CEP131: variants seen among roughly 807,000 people sequenced by gnomAD.
The protein encoded by CEP131 is centrosomal protein of 131 kDa.
A neutral mutation model predicts 136.8 loss-of-function variants in CEP131; 99 were observed. That is an observed-to-expected ratio of 0.72 (90% confidence interval 0.62 to 0.86). CEP131 has a LOEUF of 0.86. Ranked by LOEUF, CEP131 falls within the 40% of genes least tolerant of loss-of-function variation. CEP131 has a pLI of 0.00. For missense variants in CEP131, 1,459 were observed against 1,463.0 expected (o/e 1.00, Z 0.04); for synonymous variants, 646 against 612.7 (o/e 1.05, Z -0.80).
Position 81,199,539 on chromosome 17 carries a change from T to G in CEP131, c.1034A>C (p.Gln345Pro), listed in dbSNP as rs2061843096. 1 of 1,606,306 alleles carries G rather than the reference T, an allele frequency of 6.2e-7. No homozygotes were observed. ...ARRAAIQELQ[Q>P]KRALRAQKAS... ...CTTCTGGGCTCTCAGGGCTCGTTTC[T>G]GTTGCAGCTCCTGCAGTGGGAGCAT... Residue 345 changes from glutamine to proline, a missense_variant, in exon 10 of 26, where the codon CAG becomes CCG. Coordinates refer to ENST00000450824, the MANE Select transcript of CEP131 (RefSeq NM_014984.4).
intron 2 of CEP131, among the ~76,000 whole-genome samples, chr17:81,218,973 G>A (rs1316760365): frequency 3.9e-5 from 6 of 152,246 alleles, no homozygotes; most frequent in Non-Finnish European, 7.3e-5. Flanking sequence ...AAGGCCCCCA[G>A]GCCCTTGCTA....
chr17:81,204,600 T>G (rs1486605378), intron 5 of CEP131, among the ~76,000 whole-genome samples: 1 of 151,438 alleles, frequency 6.6e-6, no homozygotes, highest in East Asian at 1.9e-4. Flanking sequence ...AAGACCAACA[T>G]GTCAGAGGCC....
At chr17:81,212,773 G>A (rs1290771319) in intron 2 of CEP131, among the ~76,000 whole-genome samples, 4 of 152,198 alleles carry the variant, frequency 2.6e-5, no homozygotes, top group African/African-American at 9.6e-5. Context: ...GCAAGCGTCG[G>A]GGGGGCGAGA....
chr17:81,210,655 G>A (rs1221135736), intron 2 of CEP131, among the ~76,000 whole-genome samples: 1 of 152,114 alleles, frequency 6.6e-6, no homozygotes, highest in Non-Finnish European at 1.5e-5. Context: ...GAACACCACC[G>A]GATGCCACTG....
intron 2 of CEP131, among the ~76,000 whole-genome samples, chr17:81,214,324 G>A (rs1322952452): frequency 6.6e-6 from 1 of 152,218 alleles, no homozygotes; most frequent in Non-Finnish European, 1.5e-5. Flanking sequence ...GGAGGCCAAG[G>A]CGGGCGGATT....
At chr17:81,198,814 T>C in intron 11 of CEP131, 63 bp downstream of exon 11, 3 of 1,488,338 alleles carry the variant, frequency 2.0e-6, no homozygotes, top group Non-Finnish European at 2.7e-6. Flanking sequence ...AGGACACCCC[T>C]GGCACAGACA....
In CEP131 at chr17:81,209,003, C is replaced by T. The variant is rs753576032; in HGVS notation, c.197G>A (p.Gly66Asp). Residue 66 changes from glycine (G) to aspartate (D), a missense_variant, in exon 3 of 26, where the codon GGC becomes GAC. Physicochemically the swap from Gly to Asp is moderately conservative, Grantham distance 94. Around this residue, in one of 3 missense-constraint regions of CEP131, gnomAD observed 187 missense variants for 179.9 expected, o/e 1.04. Transcript: ENST00000450824. The stretch of plus-strand genomic sequence containing the variant: ...TCTAAGGTTGTTGATGGCCTGGGAG[C>T]CCCCAGGCCCTGTGGCCTCCTGCAA... Reference protein sequence around the residue: ...RKVLEATGPGGSQAINNLRRS... With the variant: ...RKVLEATGPGDSQAINNLRRS... The T allele has an allele frequency of 6.2e-7, 1 of 1,612,502 alleles. No individual in the cohort carries two copies. Among genetic ancestry groups the T allele is most frequent in the Non-Finnish European group, 8.5e-7 (1 of 1,178,814 alleles).
At chr17:81,206,604 A>C in intron 5 of CEP131, 140 bp downstream of exon 5, 2 of 1,261,458 alleles carry the variant, frequency 1.6e-6, no homozygotes, top group East Asian at 2.4e-5. Context: ...CTTGGGAATG[A>C]AAGCCATTCT....
chr17:81,220,019 C>T lies in CEP131; in HGVS notation c.38G>A (p.Arg13His), dbSNP rs758688897. 57 of 1,600,762 alleles carry T rather than the reference C, an allele frequency of 3.6e-5. No individual in the cohort carries two copies. Among genetic ancestry groups the T allele is most frequent in the Non-Finnish European group, 4.7e-5 (55 of 1,173,926 alleles). Residue 13 changes from arginine (R) to histidine (H), a missense_variant, in exon 2 of 26, where the codon CGC becomes CAC. This residue lies in a region of CEP131 where 187 missense variants were observed against 179.9 expected (regional missense o/e 1.04). Coordinates refer to ENST00000450824, the MANE Select transcript of CEP131 (RefSeq NM_014984.4). ...GTRAIGSVPERSPAGVDLSLT... is the reference protein window; with the variant it reads ...GTRAIGSVPEHSPAGVDLSLT... ...ACTCAGGTCCACACCTGCTGGGCTGCGCTCCGGGACGCTGCCGATGGCCCG... is the reference window on the plus strand; with the variant it reads ...ACTCAGGTCCACACCTGCTGGGCTGTGCTCCGGGACGCTGCCGATGGCCCG...
Position 81,193,946 on chromosome 17 carries a change from C to T in CEP131, c.2301G>A (p.Glu767=), listed in dbSNP as rs2061698094. 1.9e-6 allele frequency: 3 copies of T among 1,540,430 alleles called. No homozygotes were observed. Among genetic ancestry groups the T allele is most frequent in the Admixed American group, 2.0e-5 (1 of 50,078 alleles). ...CCCACCGCTGCCGAGCACGTTCGCG[C>T]TCCTGCTGGCCCAGCGCCTCCTTCT... ...EREKEALGQQ[E]RERARQRFQQ... is the part of the protein sequence containing the mutation. The change falls in exon 18 of 26, where the codon GAG becomes GAA. Residue 767 remains glutamate, a synonymous_variant. Coordinates refer to ENST00000450824, the MANE Select transcript of CEP131 (RefSeq NM_014984.4).
intron 2 of CEP131, among the ~76,000 whole-genome samples, chr17:81,212,321 C>CAAAAA (rs71166130): frequency 1.5e-5 from 2 of 135,082 alleles, no homozygotes; most frequent in Non-Finnish European, 3.1e-5. Flanking sequence ...GATTCCCTCT[C>CAAAAA]AAAAAAAAAA....
intron 5 of CEP131, among the ~76,000 whole-genome samples, chr17:81,204,805 C>T (rs2061968784): frequency 6.6e-6 from 1 of 151,972 alleles, no homozygotes; most frequent in African/African-American, 2.4e-5. Flanking sequence ...CCAGCACCAG[C>T]CTGGCCTGCA....
chr17:81,190,561 T>C (rs2061614659), intron 24 of CEP131, 78 bp downstream of exon 24: 7 of 1,432,078 alleles, frequency 4.9e-6, no homozygotes, highest in Non-Finnish European at 3.7e-6. Context: ...CACAGCCTCC[T>C]GGGGCTTGGA....
At chr17:81,196,887 G>A in intron 14 of CEP131, 43 bp downstream of exon 14, 1 of 1,606,274 alleles carries the variant, frequency 6.2e-7, no homozygotes, top group Non-Finnish European at 8.5e-7. Flanking sequence ...TCAGCAGGTA[G>A]GAGGCTAGCA....
At chr17:81,216,862 T>C (rs1330151706) in intron 2 of CEP131, among the ~76,000 whole-genome samples, 1 of 151,912 alleles carries the variant, frequency 6.6e-6, no homozygotes, top group East Asian at 1.9e-4. Flanking sequence ...TTTCCTGGGG[T>C]CAGTTTCGCA....
rs1002117879 is a variant in CEP131, at chr17:81,203,828, G to A, written c.516-221C>T. On this transcript the variant is annotated intron_variant, in intron 5 of 25. Transcript: ENST00000450824. This position sits in a 1 kb window ranked among gnomAD's most constrained non-coding sequence, Gnocchi z 4.6. ...GGAAAGCTGGACCAGGGGCTCCCACGGGGCAGGGGATAGAATCGAGGCATG... is the reference window on the plus strand; with the variant it reads ...GGAAAGCTGGACCAGGGGCTCCCACAGGGCAGGGGATAGAATCGAGGCATG... 6 of 554,404 alleles carry A rather than the reference G, an allele frequency of 1.1e-5. No individual in the cohort carries two copies. The highest frequency in any genetic ancestry group is 4.8e-4 in the Middle Eastern group (1 of 2,104). The allele number at this position is 554,404 out of a possible 1,614,324, so 34.3% of individuals were successfully genotyped here.
rs1404653601 is a variant in CEP131 at position 81,208,105 on chromosome 17, C to T, written c.272+823G>A. Among the ~76,000 whole-genome samples, 1 of 138,660 alleles carries T rather than the reference C, an allele frequency of 7.2e-6. No homozygotes were observed. Among genetic ancestry groups the T allele is most frequent in the Non-Finnish European group, 1.6e-5 (1 of 62,724 alleles). The allele number at this position is 138,660 out of a possible 152,430, so 91.0% of individuals were successfully genotyped here. The stretch of plus-strand genomic sequence containing the variant: ...CCACACCACACACACACACTTATGC[C>T]ACACACCCACACACCACACACATAC... On this transcript the variant is annotated intron_variant, in intron 3 of 25. Coordinates refer to ENST00000450824, the MANE Select transcript of CEP131 (RefSeq NM_014984.4). This position sits in a 1 kb window ranked among gnomAD's most constrained non-coding sequence, Gnocchi z 5.6.
chr17:81,217,511 T>G (rs112113661), intron 2 of CEP131, among the ~76,000 whole-genome samples: 1,765 of 151,870 alleles, frequency 0.012, 39 homozygotes, highest in African/African-American at 0.04. Flanking sequence ...GACTGAGTGG[T>G]AGCAGGGCAG....
Position 81,198,267 on chromosome 17 carries a change from T to A in CEP131, c.1318A>T (p.Asn440Tyr). 1 of 1,603,654 alleles carries A rather than the reference T, an allele frequency of 6.2e-7. No individual in the cohort carries two copies. The highest frequency in any genetic ancestry group is 1.3e-5 in the African/African-American group (1 of 74,762). ...DVLAQDAAGDNLEMMAPSRGS... is the reference protein window; with the variant it reads ...DVLAQDAAGDYLEMMAPSRGS... ...CTGCTCGGGGCCATCATCTCCAGGT[T>A]GTCCCCAGCTGCATCCTGGGCAAGA... Residue 440 changes from asparagine to tyrosine, a missense_variant, in exon 12 of 26, where the codon AAC becomes TAC. Around this residue, in one of 3 missense-constraint regions of CEP131, gnomAD observed 1,026 missense variants for 964.2 expected, o/e 1.06. Transcript: ENST00000450824.
Sources: allele counts gnomAD v4.1 joint callset (sites outside exome capture counted in the v4.1 genomes callset), GRCh38; gene constraint gnomAD v4.1.1; regional missense constraint gnomAD v4.1.1; non-coding constraint Gnocchi (gnomAD v3.1); transcripts MANE v1.5; gene names NCBI Gene and HGNC (gene_info 2026-07-23, HGNC 2026-07-21).